Variants in SMCHD1 observed in about 807,000 individuals in gnomAD.
The protein encoded by SMCHD1 is structural maintenance of chromosomes flexible hinge domain-containing protein 1.
Under a neutral mutation model 254.7 loss-of-function variants are expected in SMCHD1, and 78 were observed. The observed-to-expected ratio is 0.31, with a 90% CI of 0.26 to 0.37. SMCHD1 has a LOEUF of 0.37. SMCHD1 is among the 10% of genes least tolerant of loss of function. The probability of loss-of-function intolerance (pLI) is 1.00; values close to 1 mark genes in which losing one functional copy is unlikely to be tolerated. For missense variants in SMCHD1, 1,840 were observed against 2,408.1 expected (o/e 0.76, Z 4.94); for synonymous variants, 766 against 794.9 (o/e 0.96, Z 0.61).
In SMCHD1 at chr18:2,795,940, T is replaced by A; in HGVS notation, c.5720-9T>A. ...GTAATTTAATCAAATGCATTTGGTT[T>A]CTTTACAGATCTTCTTCAGCAGTAT... On this transcript the variant is annotated splice_polypyrimidine_tract_variant and intron_variant, in intron 45 of 47. Transcript: ENST00000320876. The A allele has an allele frequency of 3.8e-6, 6 of 1,565,530 alleles. No homozygotes were observed. The highest frequency in any genetic ancestry group is 5.2e-6 in the Non-Finnish European group (6 of 1,155,642).
At chr18:2,792,243 A>C (rs1247891498) in intron 45 of SMCHD1, among the ~76,000 whole-genome samples, 1 of 152,208 alleles carries the variant, frequency 6.6e-6, no homozygotes. Context: ...AATGGAGTTG[A>C]TTACCTTTTC....
intron 5 of SMCHD1, among the ~76,000 whole-genome samples, chr18:2,681,688 A>T (rs973435784): frequency 6.6e-6 from 1 of 151,986 alleles, no homozygotes; most frequent in African/African-American, 2.4e-5. Context: ...TTTAACTTGG[A>T]TACCTGGGAC....
chr18:2,749,966 A>C (rs2075540564), intron 30 of SMCHD1, 77 bp from the exon 31 acceptor site: 6 of 1,270,026 alleles, frequency 4.7e-6, no homozygotes, highest in Non-Finnish European at 6.5e-6. Context: ...GAGGGAAAGA[A>C]CATTGTAATG....
At chr18:2,770,931 T>G (rs2075972925) in intron 39 of SMCHD1, among the ~76,000 whole-genome samples, 1 of 152,226 alleles carries the variant, frequency 6.6e-6, no homozygotes, top group African/African-American at 2.4e-5. Flanking sequence ...CTACGTTTGC[T>G]GCAATTCTTA....
intron 17 of SMCHD1, among the ~76,000 whole-genome samples, chr18:2,715,643 A>G (rs2074779802): frequency 6.6e-6 from 1 of 152,100 alleles, no homozygotes; most frequent in African/African-American, 2.4e-5. Context: ...GCTTGATGCC[A>G]GGAGTTCAAG....
At position 2,698,988 on chromosome 18, in the gene SMCHD1, T is replaced by G. The variant is rs529204927; in HGVS notation, c.1342+947T>G. Among the ~76,000 whole-genome samples the G allele has an allele frequency of 4.6e-5, 7 of 152,350 alleles. No individual in the cohort carries two copies. In the South Asian group the frequency reaches 6.2e-4, roughly 14 times the overall value. On this transcript the variant is annotated intron_variant, in intron 10 of 47. Transcript: ENST00000320876. ...TTCTAGATAATTTTGGAATCAGCTT[T>G]GTACATTCACTTGAAGTAATTCTAG...
intron 17 of SMCHD1, among the ~76,000 whole-genome samples, chr18:2,710,390 T>C (rs765970345): frequency 2.0e-5 from 3 of 152,232 alleles, no homozygotes; most frequent in African/African-American, 2.4e-5. Context: ...AGATTCCCTA[T>C]GAATGTAGGA....
chr18:2,697,573 A>G (rs2074311305), intron 9 of SMCHD1, among the ~76,000 whole-genome samples: 1 of 152,152 alleles, frequency 6.6e-6, no homozygotes, highest in African/African-American at 2.4e-5. Context: ...CCTCGAATTA[A>G]ATGTACTCAT....
intron 29 of SMCHD1, among the ~76,000 whole-genome samples, chr18:2,744,227 C>T (rs1377919600): frequency 2.0e-5 from 3 of 152,088 alleles, no homozygotes; most frequent in Admixed American, 1.3e-4. Flanking sequence ...CTCCCATGTG[C>T]CAATTACCTA....
intron 42 of SMCHD1, among the ~76,000 whole-genome samples, chr18:2,777,266 T>C (rs1342545588): frequency 3.9e-5 from 6 of 152,244 alleles, no homozygotes; most frequent in African/African-American, 1.4e-4. Flanking sequence ...TTGAATTAAC[T>C]AGAGCTCCTC....
At chr18:2,685,136 T>G (rs970845550) in intron 5 of SMCHD1, among the ~76,000 whole-genome samples, 4 of 146,598 alleles carry the variant, frequency 2.7e-5, no homozygotes, top group Non-Finnish European at 6.0e-5. Flanking sequence ...GTCTCGTTCT[T>G]TTGCCCAGGC....
Position 2,684,068 on chromosome 18 carries a change from A to G in SMCHD1, c.639-4326A>G, listed in dbSNP as rs76183397. 9.8e-4 allele frequency among the ~76,000 whole-genome samples: 149 copies of G among 152,272 alleles called. 2 individuals are homozygous for G. In the East Asian group the frequency reaches 0.028, roughly 29 times the overall value. ...TGTATTTTTGAATTTGAGATGCTCAACTTGTACTTAAATTTTTTGAAAGTC... is the reference window on the plus strand; with the variant it reads ...TGTATTTTTGAATTTGAGATGCTCAGCTTGTACTTAAATTTTTTGAAAGTC... On this transcript the variant is annotated intron_variant, in intron 5 of 47. Transcript: ENST00000320876.
Position 2,804,953 on chromosome 18 carries a change from A to ATAAT in SMCHD1, c.*2402_*2405dup, listed in dbSNP as rs998377335. 21 of 152,334 alleles carry ATAAT rather than the reference A, an allele frequency of 1.4e-4. No individual in the cohort carries two copies. Among genetic ancestry groups the ATAAT allele is most frequent in the African/African-American group, 5.1e-4 (21 of 41,576 alleles). 9.4% of individuals were successfully genotyped at this position (152,334 alleles called of 1,614,324 possible). On this transcript the variant is annotated 3_prime_UTR_variant, in exon 48 of 48. Coordinates refer to ENST00000320876, the MANE Select transcript of SMCHD1 (RefSeq NM_015295.3). ...TTCTGGTTTCTTCTTCCAAAGGAAA[A>ATAAT]TAATAGCCTACTTGTATTTTGAAGT...
At chr18:2,798,149 A>T (rs1314499624) in intron 47 of SMCHD1, among the ~76,000 whole-genome samples, 3 of 152,180 alleles carry the variant, frequency 2.0e-5, no homozygotes, top group Non-Finnish European at 4.4e-5. Flanking sequence ...TGTCTAAGGC[A>T]TGGTATGGTA....
At chr18:2,786,518 C>G (rs2076242756) in intron 45 of SMCHD1, among the ~76,000 whole-genome samples, 1 of 151,882 alleles carries the variant, frequency 6.6e-6, no homozygotes, top group African/African-American at 2.4e-5. Flanking sequence ...ATGGTAAAAC[C>G]CCATCTTTAC....
At chr18:2,736,106 A>G (rs1464457514) in intron 25 of SMCHD1, among the ~76,000 whole-genome samples, 8 of 152,198 alleles carry the variant, frequency 5.3e-5, no homozygotes, top group Admixed American at 5.2e-4. Context: ...ATAAAACTGT[A>G]CACATACAGC....
At chr18:2,736,424 T>G (rs1448531495) in intron 25 of SMCHD1, among the ~76,000 whole-genome samples, 2 of 152,068 alleles carry the variant, frequency 1.3e-5, no homozygotes, top group African/African-American at 2.4e-5. Context: ...CTAATCAAAC[T>G]AAACAGCTGC....
chr18:2,766,275 G>A (rs1022332145), intron 37 of SMCHD1, among the ~76,000 whole-genome samples: 1 of 152,244 alleles, frequency 6.6e-6, no homozygotes, highest in East Asian at 1.9e-4. Flanking sequence ...TTACAGGCGT[G>A]AGCCGCCGTG....
At chr18:2,723,986 CCT>C (rs1190870986) in intron 20 of SMCHD1, among the ~76,000 whole-genome samples, 2 of 151,648 alleles carry the variant, frequency 1.3e-5, no homozygotes, top group African/African-American at 4.8e-5. Flanking sequence ...GTTTGGTTGC[CCT>C]GTCTCTGCTT....
Sources: allele counts gnomAD v4.1 joint callset (sites outside exome capture counted in the v4.1 genomes callset), GRCh38; gene constraint gnomAD v4.1.1; transcripts MANE v1.5; gene names NCBI Gene and HGNC (gene_info 2026-07-23, HGNC 2026-07-21).